TBC1D22A: variants seen among roughly 807,000 people sequenced by gnomAD.
The protein encoded by TBC1D22A is putative GTPase activator.
TBC1D22A carries 38 observed loss-of-function variants against 60.2 expected under a neutral mutation model. The ratio of observed to expected loss-of-function variants is 0.63; its 90% CI spans 0.49 to 0.83. TBC1D22A has a LOEUF of 0.83. Ranked by LOEUF, TBC1D22A falls within the 40% of genes least tolerant of loss-of-function variation. The pLI is 0.00. For synonymous variants in TBC1D22A, 302 were observed against 281.7 expected (o/e 1.07, Z -0.72); for missense variants, 628 against 701.0 (o/e 0.90, Z 1.18).
At chr22:46,923,020 T>C (rs919998594) in intron 8 of TBC1D22A, among the ~76,000 whole-genome samples, 1 of 152,224 alleles carries the variant, frequency 6.6e-6, no homozygotes, top group African/African-American at 2.4e-5. Flanking sequence ...GGGGAGTGCT[T>C]CCAGCTTTTG....
intron 4 of TBC1D22A, among the ~76,000 whole-genome samples, chr22:46,835,469 A>G (rs2086477824): frequency 6.6e-6 from 1 of 152,230 alleles, no homozygotes; most frequent in South Asian, 2.1e-4. Flanking sequence ...TGCAATTGAG[A>G]GCTTTAACAA....
intron 8 of TBC1D22A, among the ~76,000 whole-genome samples, chr22:46,921,382 C>T (rs973820787): frequency 1.3e-5 from 2 of 152,154 alleles, no homozygotes; most frequent in African/African-American, 4.8e-5. Context: ...GGATAATGAC[C>T]TCCATCTCCG....
In TBC1D22A at chr22:47,154,937, G is replaced by A. The variant is rs113761657; in HGVS notation, c.1426-18561G>A. ...GAGGGTGCCTCCTCTAGAAGTGGGC[G>A]TCCTTCCCTGCTGCCCGCTGGGCAT... On this transcript the variant is annotated intron_variant, in intron 12 of 12. Coordinates refer to ENST00000337137, the MANE Select transcript of TBC1D22A (RefSeq NM_014346.5). Among the ~76,000 whole-genome samples the A allele has an allele frequency of 4.5e-3, 685 of 152,342 alleles. 4 individuals carry two copies. Among genetic ancestry groups the A allele is most frequent in the African/African-American group, 0.015 (636 of 41,582 alleles).
chr22:46,960,828 T>C (rs2073458398), intron 8 of TBC1D22A, among the ~76,000 whole-genome samples: 1 of 151,724 alleles, frequency 6.6e-6, no homozygotes, highest in Admixed American at 6.6e-5. Flanking sequence ...GTGCCTGTAG[T>C]CCCAGCTACT....
rs1403973437 is a variant in TBC1D22A at position 47,037,109 on chromosome 22, T to TA, written c.1241dup (p.Tyr414Ter). 1.9e-6 allele frequency: 3 copies of TA among 1,613,842 alleles called. No individual in the cohort carries two copies. In the African/African-American group the frequency reaches 4.0e-5, roughly 22 times the overall value. ...GCACCTGGACCAACACGAAGTGAGA[T>TA]ACCTGCAGTTTGCCTTCCGCTGGAT... ...HRHLDQHEVR[Y>*]LQFAFRWMNN... The change falls in exon 11 of 13, where the codon TAC becomes TAAC. Residue 414 changes from tyrosine to a stop codon, truncating the protein, a stop_gained and frameshift_variant. Transcript: ENST00000337137. LOFTEE classifies it high-confidence loss of function.
At chr22:46,869,170 G>A (rs1432857620) in intron 4 of TBC1D22A, among the ~76,000 whole-genome samples, 2 of 152,188 alleles carry the variant, frequency 1.3e-5, no homozygotes, top group East Asian at 3.8e-4. Context: ...TGCCCTGTTG[G>A]TGAGAGTTAG....
At chr22:47,060,051 C>T (rs998048183) in intron 11 of TBC1D22A, among the ~76,000 whole-genome samples, 1 of 152,092 alleles carries the variant, frequency 6.6e-6, no homozygotes, top group Admixed American at 6.5e-5. Context: ...GCTCGAGATC[C>T]TGGAGAAAAG....
chr22:46,796,614 G>A (rs1467798470), intron 3 of TBC1D22A, among the ~76,000 whole-genome samples: 1 of 152,016 alleles, frequency 6.6e-6, no homozygotes. Context: ...GGGCCTTAGG[G>A]TCTTCCCTTG....
chr22:46,852,103 A>G (rs1352121412), intron 4 of TBC1D22A, among the ~76,000 whole-genome samples: 1 of 152,224 alleles, frequency 6.6e-6, no homozygotes, highest in Admixed American at 6.5e-5. Context: ...TCTGGGAGTC[A>G]GCCGTCTTTC....
At chr22:47,164,221 G>T (rs1300077800) in intron 12 of TBC1D22A, among the ~76,000 whole-genome samples, 2 of 152,228 alleles carry the variant, frequency 1.3e-5, no homozygotes, top group African/African-American at 2.4e-5. Context: ...GTTCTCATTT[G>T]TACAGGAAAA....
At chr22:47,066,840 T>G (rs2147486342) in intron 11 of TBC1D22A, among the ~76,000 whole-genome samples, 1 of 152,274 alleles carries the variant, frequency 6.6e-6, no homozygotes, top group South Asian at 2.1e-4. Context: ...TTAATGCAGC[T>G]CTAACACTGG....
At chr22:46,876,814 G>GC (rs2067589394) in intron 4 of TBC1D22A, among the ~76,000 whole-genome samples, 1 of 152,262 alleles carries the variant, frequency 6.6e-6, no homozygotes, top group Admixed American at 6.5e-5. Flanking sequence ...CCCCAGGGCT[G>GC]CTGCAGGGAA....
In TBC1D22A at chr22:47,054,551, G is replaced by A. The variant is rs139736912; in HGVS notation, c.1329+17353G>A. ...GGCCTCGCCATGTCCATCTGCTGGT[G>A]CGGCCAAGAGCCTTCCCAGCGGCAG... is the stretch of plus-strand genomic sequence containing the variant. On this transcript the variant is annotated intron_variant, in intron 11 of 12. Transcript: ENST00000337137. 4.1e-4 allele frequency among the ~76,000 whole-genome samples: 62 copies of A among 152,324 alleles called. No homozygotes were observed. In the East Asian group the frequency reaches 0.012, roughly 29 times the overall value.
At chr22:46,969,444 A>C (rs2073960999) in intron 8 of TBC1D22A, among the ~76,000 whole-genome samples, 1 of 152,174 alleles carries the variant, frequency 6.6e-6, no homozygotes, top group South Asian at 2.1e-4. Flanking sequence ...AGGGGGGCTT[A>C]TTTTACAAAT....
intron 12 of TBC1D22A, among the ~76,000 whole-genome samples, chr22:47,125,252 C>T (rs565872826): frequency 5.3e-5 from 8 of 152,332 alleles, no homozygotes; most frequent in South Asian, 4.1e-4. Flanking sequence ...CGACCGTCCC[C>T]GGAGAGCCCA....
chr22:47,024,678 A>T (rs1407269411), intron 10 of TBC1D22A, among the ~76,000 whole-genome samples: 1 of 151,768 alleles, frequency 6.6e-6, no homozygotes, highest in Non-Finnish European at 1.5e-5. Context: ...ACATGGTGAG[A>T]CCCCGTCTCT....
chr22:47,063,932 G>GC (rs1198013827), intron 11 of TBC1D22A, among the ~76,000 whole-genome samples: 1 of 149,656 alleles, frequency 6.7e-6, no homozygotes, highest in Non-Finnish European at 1.5e-5. Context: ...TTGGATCAGG[G>GC]CCCCCCTACT....
chr22:47,131,772 C>T (rs143563881), intron 12 of TBC1D22A, among the ~76,000 whole-genome samples: 1 of 152,214 alleles, frequency 6.6e-6, no homozygotes, highest in Non-Finnish European at 1.5e-5. Context: ...GTGACCCTGG[C>T]TCTCTCGCAG....
intron 4 of TBC1D22A, among the ~76,000 whole-genome samples, chr22:46,851,802 G>C (rs1469896175): frequency 1.3e-5 from 2 of 152,218 alleles, no homozygotes; most frequent in African/African-American, 2.4e-5. Flanking sequence ...AGGGGTACAC[G>C]GCTCAGCATA....
Sources: allele counts gnomAD v4.1 joint callset (sites outside exome capture counted in the v4.1 genomes callset), GRCh38; gene constraint gnomAD v4.1.1; transcripts MANE v1.5; gene names NCBI Gene and HGNC (gene_info 2026-07-23, HGNC 2026-07-21).